The following AGBL1 variants were observed in gnomAD, a reference collection of about 807,000 sequenced individuals.
The protein encoded by AGBL1 is cytosolic carboxypeptidase 4.
In AGBL1, 130 loss-of-function variants were observed where a neutral mutation model predicts 118.9. That is an observed-to-expected ratio of 1.09 (90% CI 0.95 to 1.26). The LOEUF (loss-of-function observed/expected upper bound fraction) is 1.26. Among genes scored for constraint, AGBL1 ranks in the 50% most tolerant of loss-of-function variants. The pLI is 0.00. For synonymous variants in AGBL1, 555 were observed against 478.9 expected (o/e 1.16, Z -2.08); for missense variants, 1,584 against 1,298.1 (o/e 1.22, Z -3.38).
At chr15:86,608,668 C>T (rs980732323) in intron 21 of AGBL1, among the ~76,000 whole-genome samples, 9 of 152,242 alleles carry the variant, frequency 5.9e-5, no homozygotes, top group African/African-American at 1.9e-4. Flanking sequence ...GGCAGGATGA[C>T]GGCAGCATAC....
chr15:86,645,057 AAGG>A (rs1283459079), intron 21 of AGBL1, among the ~76,000 whole-genome samples: 3 of 152,042 alleles, frequency 2.0e-5, no homozygotes, highest in South Asian at 4.1e-4. Flanking sequence ...AAACAAAAAA[AAGG>A]AGAAGCTTTG....
chr15:86,085,624 A>G (rs1030494041), intron 1 of AGBL1, among the ~76,000 whole-genome samples: 1 of 151,898 alleles, frequency 6.6e-6, no homozygotes, highest in Non-Finnish European at 1.5e-5. Context: ...CCTGTTCCCA[A>G]CTCTTAGTCC....
At chr15:86,534,229 T>C (rs1199619188) in intron 19 of AGBL1, among the ~76,000 whole-genome samples, 1 of 151,478 alleles carries the variant, frequency 6.6e-6, no homozygotes, top group Non-Finnish European at 1.5e-5. Context: ...TAGTAAGCAC[T>C]GTAACAAAGG....
chr15:86,571,899 C>T (rs186909496), intron 21 of AGBL1, among the ~76,000 whole-genome samples: 110 of 152,282 alleles, frequency 7.2e-4, no homozygotes, highest in Non-Finnish European at 8.2e-4. Context: ...TGCCTCCTGC[C>T]GCTGTTCTCC....
intron 20 of AGBL1, among the ~76,000 whole-genome samples, chr15:86,547,240 T>G (rs1324027870): frequency 6.6e-6 from 1 of 152,170 alleles, no homozygotes; most frequent in Admixed American, 6.6e-5. Flanking sequence ...ATTAAAGCAT[T>G]CATCTGGGCA....
intron 17 of AGBL1, among the ~76,000 whole-genome samples, chr15:86,371,907 ACT>A (rs1307741101): frequency 6.6e-6 from 1 of 152,118 alleles, no homozygotes; most frequent in East Asian, 1.9e-4. Flanking sequence ...GTGCAGAGCC[ACT>A]GTCAGAGCAG....
chr15:86,191,369 A>AAAAAAAAAG (rs1247744212), intron 5 of AGBL1, among the ~76,000 whole-genome samples: 7 of 145,142 alleles, frequency 4.8e-5, no homozygotes, highest in South Asian at 2.3e-4. Flanking sequence ...AAAAAAAAAA[A>AAAAAAAAAG]AGAGAGAGAG....
At chr15:86,711,111 A>G (rs572585787) in intron 22 of AGBL1, among the ~76,000 whole-genome samples, 1 of 152,262 alleles carries the variant, frequency 6.6e-6, no homozygotes, top group African/African-American at 2.4e-5. Flanking sequence ...TATGCTGTCA[A>G]GACTGTGGGT....
In AGBL1 at chr15:86,911,409, G is replaced by A. The variant is rs963793782; in HGVS notation, c.*4115G>A. 3.9e-5 allele frequency: 6 copies of A among 152,080 alleles called. No individual in the cohort carries two copies. The highest frequency in any genetic ancestry group is 9.7e-5 in the African/African-American group (4 of 41,326). The allele number at this position is 152,080 out of a possible 1,614,324, so 9.4% of individuals were successfully genotyped here. A position where few individuals can be genotyped will look rare whatever the true frequency, so the allele number is the denominator to read the frequency against. On this transcript the variant is annotated 3_prime_UTR_variant, in exon 23 of 23. Transcript: ENST00000614907. ...AAGGGTGGAAACTACTGACCCCTTC[G>A]TAACACTTCCCTCTGGCAAGAGGCT...
chr15:86,694,310 C>A (rs1347013406), intron 22 of AGBL1, among the ~76,000 whole-genome samples: 2 of 152,008 alleles, frequency 1.3e-5, no homozygotes, highest in Non-Finnish European at 2.9e-5. Context: ...CAGTCTTTCA[C>A]CTCCTTGGTT....
At chr15:86,138,336 T>C (rs2076917128) in intron 1 of AGBL1, 1 of 152,226 alleles carries the variant, frequency 6.6e-6, no homozygotes, top group African/African-American at 2.4e-5. Context: ...CTGTTTAGCT[T>C]CTGAGAGGTT....
chr15:86,460,771 T>C (rs1369832764), intron 18 of AGBL1, among the ~76,000 whole-genome samples: 1 of 152,224 alleles, frequency 6.6e-6, no homozygotes, highest in Non-Finnish European at 1.5e-5. Context: ...TCTGATTTCC[T>C]AGTTCCTTTA....
intron 18 of AGBL1, among the ~76,000 whole-genome samples, chr15:86,414,515 C>T (rs1190267521): frequency 1.3e-5 from 2 of 152,130 alleles, no homozygotes; most frequent in African/African-American, 2.4e-5. Context: ...TTCTGCAGGA[C>T]GCTAGCAGAT....
chr15:87,008,121 G>A (rs2081522773), intron 24 of AGBL1, among the ~76,000 whole-genome samples: 1 of 152,168 alleles, frequency 6.6e-6, no homozygotes, highest in Admixed American at 6.5e-5. Context: ...CACGTCTGTG[G>A]GAGTGCTTCC....
chr15:86,958,219 A>AAAG (rs902991334), intron 23 of AGBL1, among the ~76,000 whole-genome samples: 8 of 151,430 alleles, frequency 5.3e-5, no homozygotes, highest in Non-Finnish European at 7.4e-5. Context: ...AAAAAAAAAA[A>AAAG]AAAAAGAAAA....
chr15:86,552,200 G>C (rs970322225), intron 20 of AGBL1, among the ~76,000 whole-genome samples: 1 of 152,156 alleles, frequency 6.6e-6, no homozygotes. Flanking sequence ...TCTGGTGAGG[G>C]ATGTCAATGT....
chr15:86,760,348 C>T (rs2078005945), intron 22 of AGBL1, among the ~76,000 whole-genome samples: 1 of 151,996 alleles, frequency 6.6e-6, no homozygotes, highest in Non-Finnish European at 1.5e-5. Context: ...GATGTTTAAT[C>T]ATCACTTGTA....
intron 22 of AGBL1, among the ~76,000 whole-genome samples, chr15:86,770,113 T>C (rs1303101108): frequency 1.3e-5 from 2 of 152,072 alleles, no homozygotes; most frequent in African/African-American, 2.4e-5. Flanking sequence ...TGTTCTTCTT[T>C]ATTTCTTATT....
chr15:87,012,192 TACACACACACAC>T lies in AGBL1; in HGVS notation c.3324-16608_3324-16597del, dbSNP rs57985975. Among the ~76,000 whole-genome samples the T allele has an allele frequency of 2.7e-4, 38 of 142,784 alleles. No homozygotes were observed. The East Asian group carries it at 6.3e-3, about 24-fold the overall frequency. 93.7% of individuals were successfully genotyped at this position (142,784 alleles called of 152,430 possible). Reference sequence around the variant, plus strand: ...ACTTTTCTTTGTATATACAAATTTATACACACACACACACACACACACACACACACACACACG... The same window carrying T: ...ACTTTTCTTTGTATATACAAATTTATACACACACACACACACACACACACG... On this transcript the variant is annotated intron_variant, in intron 24 of 24. Transcript: ENST00000441037.
Sources: allele counts gnomAD v4.1 joint callset (sites outside exome capture counted in the v4.1 genomes callset), GRCh38; gene constraint gnomAD v4.1.1; transcripts MANE v1.5; gene names NCBI Gene and HGNC (gene_info 2026-07-23, HGNC 2026-07-21).